Variants in ZNF599 observed in about 807,000 individuals in gnomAD.
The protein encoded by ZNF599 is zinc finger protein 599.
ZNF599 carries 10 observed loss-of-function variants against 11.7 expected under a neutral mutation model. The ratio of observed to expected loss-of-function variants is 0.86; its 90% CI spans 0.53 to 1.45. The LOEUF is 1.45. Among genes scored for constraint, ZNF599 ranks in the 40% most tolerant of loss-of-function variants. The probability of loss-of-function intolerance (pLI) is 0.00; values close to 1 mark genes in which losing one functional copy is unlikely to be tolerated. For synonymous variants in ZNF599, 232 were observed against 253.2 expected, an observed-to-expected ratio of 0.92 and a Z score of 0.79; for missense variants, 688 against 713.6, an observed-to-expected ratio of 0.96 and a Z score of 0.41.
chr19:34,789,283 G>T, the ZNF599 span, among the ~76,000 whole-genome samples: 1 of 152,176 alleles, frequency 6.6e-6, no homozygotes, highest in African/African-American at 2.4e-5. Context: ...TGTTCCCATA[G>T]CTTAGCTTTC....
At position 34,769,550 on chromosome 19, in the gene ZNF599, T is replaced by C. The variant is rs757254702; in HGVS notation, c.24A>G (p.Leu8=). The change falls in exon 2 of 4, where the codon TTA becomes TTG. Residue 8 remains leucine (L), a synonymous_variant. Transcript: ENST00000329285. MAAPALA[L]VSFEDVVVTF... ...TCACAACCACGTCTTCAAATGATAC[T>C]AATGCCTGGGAAGTCAAACAGAGGT... 10 of 1,613,148 alleles carry C rather than the reference T, an allele frequency of 6.2e-6. No homozygotes were observed. The highest frequency in any genetic ancestry group is 2.2e-5 in the South Asian group (2 of 91,072).
chr19:34,797,958 T>G, the ZNF599 span, among the ~76,000 whole-genome samples: 1 of 152,172 alleles, frequency 6.6e-6, no homozygotes, highest in Non-Finnish European at 1.5e-5. Flanking sequence ...ATGCATCCAT[T>G]TATAGGCTCT....
Position 34,759,373 on chromosome 19 carries a change from T to C in ZNF599, c.1428A>G (p.Gln476=), listed in dbSNP as rs2069092895. 6.2e-7 allele frequency: 1 copy of C among 1,614,004 alleles called. No homozygotes were observed. The highest frequency in any genetic ancestry group is 1.1e-5 in the South Asian group (1 of 91,074). Residue 476 remains glutamine, a synonymous_variant, in exon 4 of 4, where the codon CAA becomes CAG. Transcript: ENST00000329285. Reference sequence around the variant, plus strand: ...CACATTCTTTGCACTCCAAGGGTTTTTGTCCACTGTGGGTCCTATTATGTC... The same window carrying C: ...CACATTCTTTGCACTCCAAGGGTTTCTGTCCACTGTGGGTCCTATTATGTC... ...FIRHNRTHSG[Q]KPLECKECAK...
chr19:34,776,702 G>T (rs2069217869), upstream of ZNF599, among the ~76,000 whole-genome samples: 1 of 152,204 alleles, frequency 6.6e-6, no homozygotes, highest in African/African-American at 2.4e-5. Flanking sequence ...CCCAGGGAAG[G>T]ATTCAAGGGC....
rs998727777 is a variant in ZNF599 at position 34,758,463 on chromosome 19, T to C, written c.*571A>G. 1 of 152,304 alleles carries C rather than the reference T, an allele frequency of 6.6e-6. No homozygotes were observed. The highest frequency in any genetic ancestry group is 1.5e-5 in the Non-Finnish European group (1 of 68,108). The allele number at this position is 152,304 out of a possible 1,614,324, so 9.4% of individuals were successfully genotyped here. A position where few individuals can be genotyped will look rare whatever the true frequency, so the allele number is the denominator to read the frequency against. Reference sequence around the variant, plus strand: ...GAACAATGAATACTTTTACTAAATGTTGGCAGAGCTGCCCTCAATGGTCCA... The same window carrying C: ...GAACAATGAATACTTTTACTAAATGCTGGCAGAGCTGCCCTCAATGGTCCA... On this transcript the variant is annotated 3_prime_UTR_variant, in exon 4 of 4. Coordinates refer to ENST00000329285, the MANE Select transcript of ZNF599 (RefSeq NM_001007248.3).
At chr19:34,773,413 T>C (rs922309851), upstream of ZNF599, among the ~76,000 whole-genome samples, 3 of 151,868 alleles carry the variant, frequency 2.0e-5, no homozygotes, top group African/African-American at 7.3e-5. Flanking sequence ...TCACCTCTTC[T>C]TAAAGGAGAG....
the ZNF599 span, among the ~76,000 whole-genome samples, chr19:34,803,294 G>A: frequency 1.3e-5 from 2 of 152,164 alleles, no homozygotes; most frequent in African/African-American, 4.8e-5. Flanking sequence ...GGATGGATCT[G>A]TCCTTGGGGA....
chr19:34,768,860 T>C (rs575827355), intron 2 of ZNF599, among the ~76,000 whole-genome samples: 2 of 152,216 alleles, frequency 1.3e-5, no homozygotes, highest in South Asian at 2.1e-4. Context: ...TCAGATAGCA[T>C]ACATCCATGC....
chr19:34,765,063 C>T (rs2069133845), intron 3 of ZNF599: 1 of 152,160 alleles, frequency 6.6e-6, no homozygotes, highest in African/African-American at 2.4e-5. Context: ...AAAGTCTCCC[C>T]CAGGTATCAG....
At position 34,760,372 on chromosome 19, in the gene ZNF599, T is replaced by C. The variant is rs1159995844; in HGVS notation, c.429A>G (p.Lys143=). The part of the protein sequence containing the change: ...GNLRPGTNPH[K]EICPEKLSYK... ...AACTCAACTTCTCAGGGCATATCTCTTTGTGGGGGTTTGTTCCTGGCCTCA... is the reference window on the plus strand; with the variant it reads ...AACTCAACTTCTCAGGGCATATCTCCTTGTGGGGGTTTGTTCCTGGCCTCA... Residue 143 remains lysine, a synonymous_variant, in exon 4 of 4, where the codon AAA becomes AAG. Transcript: ENST00000329285. 1 of 1,614,160 alleles carries C rather than the reference T, an allele frequency of 6.2e-7. No individual in the cohort carries two copies. The highest frequency in any genetic ancestry group is 1.7e-5 in the Admixed American group (1 of 60,022).
chr19:34,769,409 G>A lies in ZNF599; in HGVS notation c.145+20C>T. On this transcript the variant is annotated intron_variant, in intron 2 of 3. Transcript: ENST00000329285. ...AAAGAGGCTGTGGGTCCCCTACATG[G>A]GAGGGTAATGAGGTCTTACCCAGTG... is the stretch of plus-strand genomic sequence containing the variant. 1 of 1,614,016 alleles carries A rather than the reference G, an allele frequency of 6.2e-7. No individual in the cohort carries two copies. Among genetic ancestry groups the A allele is most frequent in the Non-Finnish European group, 8.5e-7 (1 of 1,179,960 alleles).
the ZNF599 span, among the ~76,000 whole-genome samples, chr19:34,790,101 A>C: frequency 6.6e-6 from 1 of 152,222 alleles, no homozygotes; most frequent in Non-Finnish European, 1.5e-5. Context: ...CATTTATTGA[A>C]GAGACTGTCC....
In ZNF599 at chr19:34,767,388, G is replaced by C; in HGVS notation, c.169C>G (p.Leu57Val). ...TGTCCATGTTCCAGTAGATAGATCA[G>C]CTCTGGTTTGGGAACAGGATGCCCT... ...SLGHPVPKPE[L>V]IYLLEHGQEL... The change falls in exon 3 of 4, where the codon CTG becomes GTG. Residue 57 changes from leucine (L) to valine (V), a missense_variant. Physicochemically the swap from Leu to Val is conservative, Grantham distance 32. Coordinates refer to ENST00000329285, the MANE Select transcript of ZNF599 (RefSeq NM_001007248.3). 6.2e-7 allele frequency: 1 copy of C among 1,614,138 alleles called. No individual in the cohort carries two copies. The highest frequency in any genetic ancestry group is 8.5e-7 in the Non-Finnish European group (1 of 1,179,988).
At chr19:34,765,795 C>T (rs1490031757) in intron 3 of ZNF599, among the ~76,000 whole-genome samples, 1 of 152,188 alleles carries the variant, frequency 6.6e-6, no homozygotes, top group African/African-American at 2.4e-5. Context: ...GCAGATATAA[C>T]ACACAGGGCT....
chr19:34,799,997 T>C, the ZNF599 span, among the ~76,000 whole-genome samples: 2 of 152,364 alleles, frequency 1.3e-5, no homozygotes, highest in East Asian at 3.9e-4. Context: ...TGTAGGCTAA[T>C]GTCTTGTTAA....
upstream of ZNF599, among the ~76,000 whole-genome samples, chr19:34,773,982 A>G (rs925913921): frequency 6.6e-6 from 1 of 152,256 alleles, no homozygotes; most frequent in African/African-American, 2.4e-5. Context: ...GATATTTGTC[A>G]AAACAAATAC....
chr19:34,785,525 T>C, the ZNF599 span, among the ~76,000 whole-genome samples: 3 of 152,256 alleles, frequency 2.0e-5, no homozygotes, highest in South Asian at 6.2e-4. Flanking sequence ...CCCCCTGCTC[T>C]CTGGTAACAT....
chr19:34,765,506 G>A (rs2069136909), intron 3 of ZNF599: 1 of 696,824 alleles, frequency 1.4e-6, no homozygotes, highest in African/African-American at 1.8e-5. Flanking sequence ...TTCAGCTGCA[G>A]GGTTTGTGGT....
chr19:34,805,000 T>C, the ZNF599 span, among the ~76,000 whole-genome samples: 5 of 152,248 alleles, frequency 3.3e-5, no homozygotes, highest in Non-Finnish European at 5.9e-5. Context: ...AGCAAGCCTT[T>C]GTTTCTTGGC....
Sources: allele counts gnomAD v4.1 joint callset (sites outside exome capture counted in the v4.1 genomes callset), GRCh38; gene constraint gnomAD v4.1.1; transcripts MANE v1.5; gene names NCBI Gene and HGNC (gene_info 2026-07-23, HGNC 2026-07-21).